The following PPP1R12A variants were observed in gnomAD, a reference collection of about 807,000 sequenced individuals.
PPP1R12A encodes the protein myosin binding subunit.
Under a neutral mutation model 139.6 loss-of-function variants are expected in PPP1R12A, and 19 were observed. That is an observed-to-expected ratio of 0.14 (90% CI 0.09 to 0.20). The LOEUF (loss-of-function observed/expected upper bound fraction) is 0.20. Ranked by LOEUF, PPP1R12A falls within the 10% of genes least tolerant of loss-of-function variation. PPP1R12A has a pLI of 1.00. For synonymous variants in PPP1R12A, 427 were observed against 420.6 expected (o/e 1.02, Z -0.19); for missense variants, 925 against 1,211.5 (o/e 0.76, Z 3.51).
intron 1 of PPP1R12A, among the ~76,000 whole-genome samples, chr12:79,918,137 T>C (rs778110139): frequency 4.6e-5 from 7 of 152,146 alleles, no homozygotes; most frequent in Admixed American, 2.0e-4. Context: ...GCATATATTT[T>C]TAGGCAGTTC....
At chr12:79,808,629 G>A (rs1874153585) in intron 10 of PPP1R12A, 52 bp from the exon 11 acceptor site, 1 of 995,328 alleles carries the variant, frequency 1.0e-6, no homozygotes, top group Non-Finnish European at 1.6e-6. Flanking sequence ...ACTGACTATA[G>A]GCAATGCTAA....
chr12:79,895,411 T>G (rs1364635344), intron 1 of PPP1R12A, among the ~76,000 whole-genome samples: 1 of 152,172 alleles, frequency 6.6e-6, no homozygotes, highest in East Asian at 1.9e-4. Flanking sequence ...TATTTACAAT[T>G]CTGCCTACTC....
At chr12:79,917,858 T>C (rs1381228684) in intron 1 of PPP1R12A, among the ~76,000 whole-genome samples, 4 of 152,202 alleles carry the variant, frequency 2.6e-5, no homozygotes, top group African/African-American at 9.6e-5. Flanking sequence ...TCTTTCACTA[T>C]ACAATTAGAA....
chr12:79,852,193 C>CT (rs200453712), intron 2 of PPP1R12A, among the ~76,000 whole-genome samples: 8,519 of 136,970 alleles, frequency 0.062, 299 homozygotes, highest in African/African-American at 0.1. Context: ...CTTTTTCTTT[C>CT]TTTTTTTTTT....
chr12:79,829,535 T>C (rs1273272339), intron 4 of PPP1R12A, among the ~76,000 whole-genome samples: 2 of 152,080 alleles, frequency 1.3e-5, no homozygotes, highest in Non-Finnish European at 2.9e-5. Flanking sequence ...TATGGAGAGA[T>C]GGGCCCTGCT....
At chr12:79,884,531 T>G (rs1883930864) in intron 1 of PPP1R12A, among the ~76,000 whole-genome samples, 1 of 152,128 alleles carries the variant, frequency 6.6e-6, no homozygotes, top group Admixed American at 6.6e-5. Flanking sequence ...TACAAGAAAC[T>G]GGCAAAGCAT....
chr12:79,783,747 A>G (rs1161714773), intron 22 of PPP1R12A, among the ~76,000 whole-genome samples: 2 of 152,166 alleles, frequency 1.3e-5, no homozygotes, highest in African/African-American at 4.8e-5. Flanking sequence ...ATTTTTTCAT[A>G]TGGGAAGATT....
chr12:79,935,411 TC>T, upstream of PPP1R12A: 1 of 991,454 alleles, frequency 1.0e-6, no homozygotes. Flanking sequence ...CTCCCGGGAA[TC>T]CGGAGGCCAG....
intron 19 of PPP1R12A, 64 bp downstream of exon 19, chr12:79,793,799 G>T: frequency 7.9e-7 from 1 of 1,268,342 alleles, no homozygotes; most frequent in Non-Finnish European, 1.1e-6. Flanking sequence ...ATAATAAAAC[G>T]CAATTTAAAA....
At chr12:79,796,723 C>T in intron 17 of PPP1R12A, 59 bp downstream of exon 17, 1 of 1,347,682 alleles carries the variant, frequency 7.4e-7, no homozygotes. Context: ...ATTTAGGAAA[C>T]CCTAATCCAA....
rs552038009 is a variant in PPP1R12A at position 79,897,513 on chromosome 12, A to C, written c.238-24575T>G. The stretch of plus-strand genomic sequence containing the variant: ...AACAAACCTGCACATGTACCCTCTA[A>C]ATCTAAAATAAAAGTTGAAAAAGAG... On this transcript the variant is annotated intron_variant, in intron 1 of 24. Coordinates refer to ENST00000450142, the MANE Select transcript of PPP1R12A (RefSeq NM_002480.3). Among the ~76,000 whole-genome samples the C allele has an allele frequency of 2.0e-5, 3 of 152,240 alleles. No homozygotes were observed. In the East Asian group the frequency reaches 5.8e-4, roughly 29 times the overall value.
At chr12:79,868,269 T>G (rs1882198807) in intron 2 of PPP1R12A, among the ~76,000 whole-genome samples, 1 of 152,156 alleles carries the variant, frequency 6.6e-6, no homozygotes, top group Admixed American at 6.5e-5. Context: ...CATACATGGG[T>G]TCTTGGGCTC....
chr12:79,908,384 T>C (rs924383272), intron 1 of PPP1R12A, among the ~76,000 whole-genome samples: 5 of 152,350 alleles, frequency 3.3e-5, no homozygotes, highest in Admixed American at 6.5e-5. Flanking sequence ...CAGTTAATAA[T>C]AGAAGACCCA....
intron 8 of PPP1R12A, among the ~76,000 whole-genome samples, chr12:79,818,216 A>G (rs1221523840): frequency 6.6e-6 from 1 of 152,150 alleles, no homozygotes; most frequent in African/African-American, 2.4e-5. Context: ...TAAATAACAA[A>G]TAAGATAAAC....
chr12:79,921,846 A>C (rs1887464737), intron 1 of PPP1R12A, among the ~76,000 whole-genome samples: 1 of 152,260 alleles, frequency 6.6e-6, no homozygotes, highest in African/African-American at 2.4e-5. Context: ...CCTTACATAA[A>C]GAAAAAAGGA....
intron 13 of PPP1R12A, 24 bp downstream of exon 13, chr12:79,806,142 G>A (rs1873804711): frequency 6.2e-7 from 1 of 1,610,970 alleles, no homozygotes; most frequent in Admixed American, 1.7e-5. Context: ...GTAGACCTGA[G>A]CACAAAATGT....
intron 1 of PPP1R12A, among the ~76,000 whole-genome samples, chr12:79,926,726 T>C (rs1056823747): frequency 2.0e-5 from 2 of 99,222 alleles, no homozygotes; most frequent in East Asian, 2.4e-4. Flanking sequence ...AAAATGCCGA[T>C]ACAAAAGGAG....
rs779400653 is a variant in PPP1R12A at position 79,855,623 on chromosome 12, GA to G, written c.369-10204del. On this transcript the variant is annotated intron_variant, in intron 2 of 24. Transcript: ENST00000450142. ...AAAAGTAAAAGTTTTTCATATTTTA[GA>G]AAGATAATATTATGGATTATGTAAC... Among the ~76,000 whole-genome samples the G allele has an allele frequency of 1.1e-3, 172 of 151,750 alleles. 1 individual carries two copies. The highest frequency in any genetic ancestry group is 6.8e-3 in the Middle Eastern group (2 of 294).
intron 1 of PPP1R12A, among the ~76,000 whole-genome samples, chr12:79,907,622 G>A (rs1886235263): frequency 6.6e-6 from 1 of 152,144 alleles, no homozygotes; most frequent in Non-Finnish European, 1.5e-5. Context: ...AATCTGTTCA[G>A]GCATGGTGGC....
Sources: allele counts gnomAD v4.1 joint callset (sites outside exome capture counted in the v4.1 genomes callset), GRCh38; gene constraint gnomAD v4.1.1; transcripts MANE v1.5; gene names NCBI Gene and HGNC (gene_info 2026-07-23, HGNC 2026-07-21).